Variants in OR9Q1 observed in about 807,000 individuals in gnomAD.
OR9Q1 encodes olfactory receptor 9Q1.
For missense variants in OR9Q1, 374 were observed against 378.8 expected (o/e 0.99, Z 0.11); for synonymous variants, 153 against 148.6 (o/e 1.03, Z -0.22).
intron 2 of OR9Q1, among the ~76,000 whole-genome samples, chr11:58,067,770 C>T (rs975002115): frequency 6.6e-6 from 1 of 152,100 alleles, no homozygotes; most frequent in African/African-American, 2.4e-5. Flanking sequence ...GGGTGATTTG[C>T]TCCAGGTCAC....
intron 2 of OR9Q1, among the ~76,000 whole-genome samples, chr11:58,093,422 T>C (rs894130682): frequency 1.3e-5 from 2 of 151,942 alleles, no homozygotes; most frequent in East Asian, 1.9e-4. Flanking sequence ...TGAAAAAATG[T>C]TCAACATCAC....
chr11:58,035,298 A>G (rs1853090985), intron 1 of OR9Q1, among the ~76,000 whole-genome samples: 3 of 152,170 alleles, frequency 2.0e-5, no homozygotes, highest in Non-Finnish European at 2.9e-5. Context: ...GACAATCCAC[A>G]GTTTTTGGCA....
chr11:58,179,547 T>A lies in OR9Q1; in HGVS notation c.103T>A (p.Tyr35Asn). ...TCTCTTCCTCTTGTTTTTATTTATG[T>A]ATCTCATCACCGTATTGGGGAACTT... ...LPLFLLFLFMYLITVLGNLEM... is the reference protein window; with the variant it reads ...LPLFLLFLFMNLITVLGNLEM... The change falls in exon 3 of 3, where the codon TAT (tyrosine) becomes AAT (asparagine). Residue 35 changes from tyrosine (Y) to asparagine (N), a missense_variant. Coordinates refer to ENST00000335397, the MANE Select transcript of OR9Q1 (RefSeq NM_001005212.4). 6.2e-7 allele frequency: 1 copy of A among 1,613,242 alleles called. No homozygotes were observed.
At chr11:58,086,007 C>T (rs1016805134) in intron 2 of OR9Q1, among the ~76,000 whole-genome samples, 11 of 151,854 alleles carry the variant, frequency 7.2e-5, no homozygotes, top group Admixed American at 3.9e-4. Context: ...GGTCTTGAAC[C>T]TGCTATTGAA....
At chr11:58,055,634 G>A (rs1461141897) in intron 1 of OR9Q1, among the ~76,000 whole-genome samples, 2 of 151,748 alleles carry the variant, frequency 1.3e-5, no homozygotes, top group African/African-American at 2.4e-5. Flanking sequence ...CCCCATGTTT[G>A]CAGAAAATAC....
intron 2 of OR9Q1, chr11:58,116,730 T>C (rs1195634731): frequency 6.6e-6 from 1 of 152,188 alleles, no homozygotes; most frequent in Admixed American, 6.6e-5. Context: ...AAATTTTTAT[T>C]AGCTCAACAT....
chr11:58,038,476 A>G (rs1423723978), intron 1 of OR9Q1, among the ~76,000 whole-genome samples: 1 of 152,248 alleles, frequency 6.6e-6, no homozygotes, highest in African/African-American at 2.4e-5. Flanking sequence ...ACTGTTACTC[A>G]GAGAATGTCA....
intron 2 of OR9Q1, among the ~76,000 whole-genome samples, chr11:58,163,263 T>A (rs1854472742): frequency 6.6e-6 from 1 of 152,216 alleles, no homozygotes; most frequent in Non-Finnish European, 1.5e-5. Flanking sequence ...CAGTAAAGTA[T>A]AAAATTTTTG....
At chr11:58,025,237 G>C (rs1329808473) in intron 1 of OR9Q1, among the ~76,000 whole-genome samples, 1 of 152,066 alleles carries the variant, frequency 6.6e-6, no homozygotes, top group Non-Finnish European at 1.5e-5. Flanking sequence ...GCAGTGGCGC[G>C]ATCTCAGCTC....
chr11:58,123,863 T>C (rs536520270), intron 2 of OR9Q1, among the ~76,000 whole-genome samples: 58 of 152,334 alleles, frequency 3.8e-4, no homozygotes, highest in Admixed American at 9.2e-4. Context: ...GTTGGAGTTC[T>C]TTGTGGTCCA....
At chr11:58,067,319 C>T (rs1015895830) in intron 2 of OR9Q1, among the ~76,000 whole-genome samples, 11 of 152,056 alleles carry the variant, frequency 7.2e-5, no homozygotes, top group Admixed American at 4.6e-4. Context: ...TATAGGCATG[C>T]GCCACCAAGC....
intron 2 of OR9Q1, among the ~76,000 whole-genome samples, chr11:58,064,348 C>CT (rs915796736): frequency 3.3e-5 from 5 of 152,220 alleles, no homozygotes; most frequent in African/African-American, 1.2e-4. Context: ...GGGAAGTAAC[C>CT]TTTTTGAGGT....
intron 2 of OR9Q1, among the ~76,000 whole-genome samples, chr11:58,142,423 G>A (rs746589018): frequency 4.6e-5 from 7 of 151,992 alleles, no homozygotes; most frequent in Non-Finnish European, 7.4e-5. Flanking sequence ...AGAACATGGC[G>A]AATCATTGTT....
At chr11:58,094,921 A>G (rs912422940) in intron 2 of OR9Q1, among the ~76,000 whole-genome samples, 1 of 152,204 alleles carries the variant, frequency 6.6e-6, no homozygotes, top group Non-Finnish European at 1.5e-5. Flanking sequence ...TCAAATCCTC[A>G]TGGACATTAC....
intron 2 of OR9Q1, 59 bp downstream of exon 2, chr11:58,056,006 A>C (rs1853324737): frequency 6.6e-6 from 1 of 152,172 alleles, no homozygotes; most frequent in South Asian, 2.1e-4. Context: ...TTGTTATAGC[A>C]GCACAAATGG....
At chr11:58,157,743 A>G (rs1414377224) in intron 2 of OR9Q1, among the ~76,000 whole-genome samples, 1 of 152,232 alleles carries the variant, frequency 6.6e-6, no homozygotes, top group Non-Finnish European at 1.5e-5. Flanking sequence ...CTCTACCAGC[A>G]GGTCCTTTCC....
intron 2 of OR9Q1, among the ~76,000 whole-genome samples, chr11:58,103,333 T>C (rs1295539637): frequency 2.0e-5 from 3 of 152,144 alleles, no homozygotes; most frequent in Non-Finnish European, 4.4e-5. Flanking sequence ...TATTTCCTAC[T>C]GGGTCCCTCC....
intron 2 of OR9Q1, among the ~76,000 whole-genome samples, chr11:58,141,679 T>C (rs2119869684): frequency 6.6e-6 from 1 of 152,280 alleles, no homozygotes; most frequent in South Asian, 2.1e-4. Flanking sequence ...GCTGTTATTG[T>C]CAGTGTCTAG....
rs745596668 is a variant in OR9Q1 at position 58,048,679 on chromosome 11, A to AAATATATATATATAT, written c.-92-7190_-92-7189insATATATATATATATA. On this transcript the variant is annotated intron_variant, in intron 1 of 2. Transcript: ENST00000335397. ...GCAAGGACTCCATCTTAAAAAAAAA[A>AAATATATATATATAT]ATATATATATATATATTTTTTAGCA... Among the ~76,000 whole-genome samples the AAATATATATATATAT allele has an allele frequency of 1.1e-3, 145 of 131,376 alleles. 1 individual carries two copies. The highest frequency in any genetic ancestry group is 5.2e-3 in the East Asian group (20 of 3,834). The allele number at this position is 131,376 out of a possible 152,430, so 86.2% of individuals were successfully genotyped here.
Sources: gnomAD v4.1 joint callset for allele counts (sites outside exome capture counted in the v4.1 genomes callset) on GRCh38, gnomAD v4.1.1 for gene constraint, MANE v1.5 for transcripts, NCBI Gene and HGNC (gene_info 2026-07-23, HGNC 2026-07-21) for gene names.